Variants in RGS5 observed in about 807,000 individuals in gnomAD.
The protein encoded by RGS5 is regulator of G protein signaling 5, also known as regulator of G-protein signalling 5.
Under a neutral mutation model 18.9 loss-of-function variants are expected in RGS5, and 20 were observed. That is an observed-to-expected ratio of 1.06 (90% CI 0.74 to 1.54). The LOEUF is 1.54. Ranked by LOEUF, RGS5 falls within the 40% of genes most tolerant of loss-of-function variation. The pLI, the probability that RGS5 is intolerant of heterozygous loss-of-function variation, is 0.00. For synonymous variants in RGS5, 57 were observed against 76.2 expected, an observed-to-expected ratio of 0.75 and a Z score of 1.31; for missense variants, 201 against 211.8, an observed-to-expected ratio of 0.95 and a Z score of 0.32.
intron 1 of RGS5, among the ~76,000 whole-genome samples, chr1:163,175,319 C>T: frequency 6.6e-6 from 1 of 152,202 alleles, no homozygotes; most frequent in Middle Eastern, 3.4e-3. Flanking sequence ...GGTCCCTGCG[C>T]GGGCCTATCA....
At chr1:163,265,476 T>G (rs985289633) in intron 2 of RGS5, among the ~76,000 whole-genome samples, 15 of 152,164 alleles carry the variant, frequency 9.9e-5, no homozygotes, top group Non-Finnish European at 2.1e-4. Context: ...GCATTTACTA[T>G]TCTTTTCTTT....
intron 2 of RGS5, among the ~76,000 whole-genome samples, chr1:163,283,741 A>C (rs1649060354): frequency 6.6e-6 from 1 of 152,208 alleles, no homozygotes; most frequent in South Asian, 2.1e-4. Flanking sequence ...GTGAAAGCTC[A>C]ACATTGCAAG....
At chr1:163,318,657 C>G (rs1388061066) in intron 1 of RGS5, among the ~76,000 whole-genome samples, 1 of 151,952 alleles carries the variant, frequency 6.6e-6, no homozygotes, top group Non-Finnish European at 1.5e-5. Context: ...TTGGGAAATA[C>G]TATTTAATGG....
chr1:163,163,044 G>GGT (rs1657876898), intron 2 of RGS5, among the ~76,000 whole-genome samples: 4 of 150,916 alleles, frequency 2.7e-5, no homozygotes, highest in African/African-American at 9.8e-5. Flanking sequence ...TATTTCGGGG[G>GGT]GGGGGGTGGT....
chr1:163,226,187 TGGGATTATA>T (rs1057405840), intron 2 of RGS5, among the ~76,000 whole-genome samples: 4 of 93,466 alleles, frequency 4.3e-5, no homozygotes, highest in African/African-American at 1.2e-4. Context: ...CCCAAAGTGC[TGGGATTATA>T]GGCATGAGCC....
rs190041161 is a variant in RGS5, at chr1:163,188,868, G to A, written c.44+13924C>T. ...GTTGGGAGGCTGTGGCAGGAGAATCGCTTAAACCTGGGAGACAGAGGTTGC... is the reference window on the plus strand; with the variant it reads ...GTTGGGAGGCTGTGGCAGGAGAATCACTTAAACCTGGGAGACAGAGGTTGC... On this transcript the variant is annotated intron_variant, in intron 1 of 4. Transcript: ENST00000313961. Among the ~76,000 whole-genome samples, 99 of 146,764 alleles carry A rather than the reference G, an allele frequency of 6.7e-4. 2 individuals carry two copies. The highest frequency in any genetic ancestry group is 2.0e-3 in the African/African-American group (81 of 39,674).
At chr1:163,242,889 C>T (rs1450605187) in intron 2 of RGS5, among the ~76,000 whole-genome samples, 3 of 152,122 alleles carry the variant, frequency 2.0e-5, no homozygotes, top group African/African-American at 7.2e-5. Context: ...AAGCAGTATT[C>T]GTTAGACTGT....
At chr1:163,191,372 G>C (rs1323831239) in intron 1 of RGS5, among the ~76,000 whole-genome samples, 2 of 152,080 alleles carry the variant, frequency 1.3e-5, no homozygotes, top group Non-Finnish European at 2.9e-5. Flanking sequence ...CAGCAATTTG[G>C]GTAGCCAGCC....
chr1:163,143,089 G>C lies in RGS5; in HGVS notation c.*4253C>G, dbSNP rs1656987540. 1 of 152,180 alleles carries C rather than the reference G, an allele frequency of 6.6e-6. No homozygotes were observed. The highest frequency in any genetic ancestry group is 2.1e-4 in the South Asian group (1 of 4,830). The allele number at this position is 152,180 out of a possible 1,614,324, so 9.4% of individuals were successfully genotyped here. A position where few individuals can be genotyped will look rare whatever the true frequency, so the allele number is the denominator to read the frequency against. On this transcript the variant is annotated 3_prime_UTR_variant, in exon 5 of 5. Transcript: ENST00000313961. ...ATCTTTTTAGTTTTGGGATGTGTAA[G>C]TGATGCTGGGAAAGCCTTTCTTTAA... is the stretch of plus-strand genomic sequence containing the variant.
At chr1:163,249,811 A>G (rs755205793) in intron 2 of RGS5, among the ~76,000 whole-genome samples, 6 of 152,214 alleles carry the variant, frequency 3.9e-5, no homozygotes, top group Non-Finnish European at 8.8e-5. Flanking sequence ...AATAAAATAA[A>G]ATAAAGTAAA....
chr1:163,203,745 A>C (rs1436585239), upstream of RGS5, among the ~76,000 whole-genome samples: 6 of 152,086 alleles, frequency 3.9e-5, no homozygotes, highest in Admixed American at 2.0e-4. Flanking sequence ...AATGCTTTGT[A>C]ATTCTTTGTA....
chr1:163,151,435 A>C (rs925258654), intron 4 of RGS5, among the ~76,000 whole-genome samples: 5 of 152,200 alleles, frequency 3.3e-5, no homozygotes, highest in African/African-American at 1.2e-4. Context: ...ATTAGGCATT[A>C]ATCAGTTCGG....
chr1:163,186,593 A>AAG (rs1659094755), intron 1 of RGS5, among the ~76,000 whole-genome samples: 3 of 138,928 alleles, frequency 2.2e-5, no homozygotes, highest in South Asian at 2.4e-4. Context: ...AAAAAAAAAA[A>AAG]AAAAGAAAAA....
chr1:163,192,584 G>A (rs1659402556), intron 1 of RGS5, among the ~76,000 whole-genome samples: 1 of 152,170 alleles, frequency 6.6e-6, no homozygotes, highest in African/African-American at 2.4e-5. Flanking sequence ...TTCAGTTTGT[G>A]TGCACAAATC....
chr1:163,313,693 T>C (rs1479903069), intron 1 of RGS5, among the ~76,000 whole-genome samples: 4 of 152,190 alleles, frequency 2.6e-5, no homozygotes, highest in East Asian at 1.9e-4. Flanking sequence ...GAACCCTTCA[T>C]AGGTCTATAT....
chr1:163,158,874 G>C (rs938735218), intron 3 of RGS5, among the ~76,000 whole-genome samples: 6 of 152,168 alleles, frequency 3.9e-5, no homozygotes, highest in Admixed American at 1.3e-4. Flanking sequence ...AAGCCTGGGA[G>C]CGCTACGGGA....
At chr1:163,311,565 A>G (rs1649862985) in intron 1 of RGS5, among the ~76,000 whole-genome samples, 1 of 152,212 alleles carries the variant, frequency 6.6e-6, no homozygotes, top group South Asian at 2.1e-4. Flanking sequence ...ATGGTTATTA[A>G]TTGGCCTAAT....
chr1:163,310,049 G>C (rs1209884793), intron 1 of RGS5, among the ~76,000 whole-genome samples: 1 of 152,164 alleles, frequency 6.6e-6, no homozygotes, highest in African/African-American at 2.4e-5. Context: ...TCTCAATAGG[G>C]AGCTTAAAAT....
At chr1:163,236,236 T>C (rs934222712) in intron 2 of RGS5, among the ~76,000 whole-genome samples, 3 of 152,030 alleles carry the variant, frequency 2.0e-5, no homozygotes, top group Non-Finnish European at 4.4e-5. Flanking sequence ...AAACACCTCA[T>C]TGACACTCTC....
Sources: gnomAD v4.1 joint callset for allele counts (sites outside exome capture counted in the v4.1 genomes callset) on GRCh38, gnomAD v4.1.1 for gene constraint, MANE v1.5 for transcripts, NCBI Gene and HGNC (gene_info 2026-07-23, HGNC 2026-07-21) for gene names.